The following MME variants were observed in gnomAD, a reference collection of about 807,000 sequenced individuals.
MME encodes the protein membrane metalloendopeptidase.
MME carries 98 observed loss-of-function variants against 113.2 expected under a neutral mutation model. That is an observed-to-expected ratio of 0.87 (90% CI 0.74 to 1.02). The LOEUF is 1.02. MME is among the 50% of genes least tolerant of loss of function. MME has a pLI of 0.00. For synonymous variants in MME, 292 were observed against 300.6 expected, an observed-to-expected ratio of 0.97 and a Z score of 0.30; for missense variants, 836 against 896.0, an observed-to-expected ratio of 0.93 and a Z score of 0.86.
Position 155,115,701 on chromosome 3 carries a change from C to T in MME, c.358+546C>T, listed in dbSNP as rs142936291. 7.9e-3 allele frequency among the ~76,000 whole-genome samples: 1,205 copies of T among 152,268 alleles called. 16 individuals are homozygous for T. Among genetic ancestry groups the T allele is most frequent in the African/African-American group, 0.027 (1,142 of 41,542 alleles). The stretch of plus-strand genomic sequence containing the variant: ...TTGGCCTCCCAAAGTGCTGGGATTA[C>T]AGGTGTGAGCCACTATGCCCAGCCA... On this transcript the variant is annotated intron_variant, in intron 4 of 22. Coordinates refer to ENST00000360490, the MANE Select transcript of MME (RefSeq NM_007289.4).
chr3:155,088,212 G>A (rs529869883), intron 3 of MME, among the ~76,000 whole-genome samples: 64 of 149,772 alleles, frequency 4.3e-4, no homozygotes, highest in Admixed American at 8.0e-4. Context: ...ACTCGTGCGC[G>A]CACACACACA....
rs1055491382 is a variant in MME, at chr3:155,156,296, C to T, written c.1602-4094C>T. On this transcript the variant is annotated intron_variant, in intron 16 of 22. Coordinates refer to ENST00000360490, the MANE Select transcript of MME (RefSeq NM_007289.4). Reference sequence around the variant, plus strand: ...TTTTGTCCTGCATGGTTGTGTTCTACGTTGTATAATGCACCTAGAACATAA... The same window carrying T: ...TTTTGTCCTGCATGGTTGTGTTCTATGTTGTATAATGCACCTAGAACATAA... Among the ~76,000 whole-genome samples the T allele has an allele frequency of 3.9e-5, 6 of 152,056 alleles. 1 individual carries two copies. The highest frequency in any genetic ancestry group is 1.9e-4 in the East Asian group (1 of 5,174).
Position 155,116,577 on chromosome 3 carries a change from G to C in MME, c.439+18G>C. On this transcript the variant is annotated intron_variant, in intron 5 of 22. Transcript: ENST00000360490. ...AAATGAATGTAAGTGCTCTTCATTT[G>C]ATTTCATTAGGAGTATATATATATA... 1 of 1,483,428 alleles carries C rather than the reference G, an allele frequency of 6.7e-7. No homozygotes were observed. The highest frequency in any genetic ancestry group is 1.4e-5 in the African/African-American group (1 of 69,882). The allele number at this position is 1,483,428 out of a possible 1,614,324, so 91.9% of individuals were successfully genotyped here. A position where few individuals can be genotyped will look rare whatever the true frequency, so the allele number is the denominator to read the frequency against.
chr3:155,107,415 A>G (rs1273665139), intron 3 of MME, among the ~76,000 whole-genome samples: 1 of 151,976 alleles, frequency 6.6e-6, no homozygotes, highest in African/African-American at 2.4e-5. Context: ...GGGGGTATAT[A>G]TGTGGTATGT....
intron 1 of MME, among the ~76,000 whole-genome samples, chr3:155,065,811 A>G (rs1401650586): frequency 6.6e-6 from 1 of 152,188 alleles, no homozygotes; most frequent in Non-Finnish European, 1.5e-5. Context: ...AATTAGAAGC[A>G]TTTCATACAT....
chr3:155,116,866 A>T lies in MME; in HGVS notation c.536-2A>T. The stretch of plus-strand genomic sequence containing the variant: ...GATATATTTTATCTTTTATTGCTTT[A>T]GGTGCTTCTTGGACAGCTGAAAAAG... On this transcript the variant is annotated splice_acceptor_variant, in intron 6 of 22. Transcript: ENST00000360490. LOFTEE classifies it high-confidence loss of function. 1 of 1,588,022 alleles carries T rather than the reference A, an allele frequency of 6.3e-7. No individual in the cohort carries two copies. The highest frequency in any genetic ancestry group is 8.6e-7 in the Non-Finnish European group (1 of 1,156,642).
chr3:155,063,575 T>C (rs1162458727), intron 1 of MME, among the ~76,000 whole-genome samples: 11 of 120,632 alleles, frequency 9.1e-5, no homozygotes, highest in Non-Finnish European at 1.8e-4. Context: ...TAATATATTT[T>C]ATTAATATAT....
At chr3:155,093,642 G>A (rs1716481953) in intron 3 of MME, among the ~76,000 whole-genome samples, 1 of 152,094 alleles carries the variant, frequency 6.6e-6, no homozygotes, top group Admixed American at 6.6e-5. Context: ...TGGCTCACGA[G>A]GTCAGGAGTT....
intron 3 of MME, among the ~76,000 whole-genome samples, chr3:155,095,800 CA>C (rs1275573750): frequency 1.3e-5 from 2 of 152,094 alleles, no homozygotes; most frequent in African/African-American, 2.4e-5. Flanking sequence ...GTCAGTGTGA[CA>C]GACATAAACA....
chr3:155,135,041 T>C (rs1720516757), intron 8 of MME, among the ~76,000 whole-genome samples: 2 of 152,196 alleles, frequency 1.3e-5, no homozygotes. Context: ...TATTAGACTT[T>C]TCTTGGATGC....
At chr3:155,149,744 G>T (rs952418509) in intron 16 of MME, among the ~76,000 whole-genome samples, 1 of 152,042 alleles carries the variant, frequency 6.6e-6, no homozygotes, top group Admixed American at 6.6e-5. Context: ...GTACAGGTTG[G>T]ACAAAACTGC....
chr3:155,111,362 A>G (rs1285461924), intron 3 of MME, among the ~76,000 whole-genome samples: 1 of 152,238 alleles, frequency 6.6e-6, no homozygotes, highest in Non-Finnish European at 1.5e-5. Flanking sequence ...GATTGGATGC[A>G]TCCATGCTCA....
At chr3:155,035,583 C>T (rs1468877601) in intron 1 of MME, among the ~76,000 whole-genome samples, 3 of 151,946 alleles carry the variant, frequency 2.0e-5, no homozygotes, top group Admixed American at 2.0e-4. Context: ...AAGAAGGTGG[C>T]ATTTGAAGAG....
At chr3:155,036,408 G>T (rs1428202927) in intron 1 of MME, among the ~76,000 whole-genome samples, 1 of 151,904 alleles carries the variant, frequency 6.6e-6, no homozygotes, top group Non-Finnish European at 1.5e-5. Context: ...CATTTGTCTT[G>T]AGTCCTGTCC....
chr3:155,157,989 G>C (rs939398432), intron 16 of MME, among the ~76,000 whole-genome samples: 1 of 152,084 alleles, frequency 6.6e-6, no homozygotes. Context: ...CAGAAGAGCA[G>C]AAAAGCACTA....
intron 3 of MME, 101 bp downstream of exon 3, chr3:155,085,195 T>A (rs1173325584): frequency 1.4e-6 from 1 of 736,804 alleles, no homozygotes; most frequent in Non-Finnish European, 2.3e-6. Flanking sequence ...TTATTCATTG[T>A]AGATCAATTA....
intron 3 of MME, among the ~76,000 whole-genome samples, chr3:155,097,958 T>G (rs1439816089): frequency 6.6e-6 from 1 of 152,170 alleles, no homozygotes; most frequent in Non-Finnish European, 1.5e-5. Context: ...CTTCAACAGA[T>G]ATTGTCAGCA....
intron 3 of MME, among the ~76,000 whole-genome samples, chr3:155,108,029 C>T (rs1436762775): frequency 2.0e-5 from 3 of 152,004 alleles, no homozygotes; most frequent in Non-Finnish European, 4.4e-5. Context: ...AGTGCATCAA[C>T]AAAATATATT....
chr3:155,046,734 T>A (rs1713575005), intron 1 of MME, among the ~76,000 whole-genome samples: 1 of 152,178 alleles, frequency 6.6e-6, no homozygotes, highest in Non-Finnish European at 1.5e-5. Flanking sequence ...TAGTGACATT[T>A]TGATTATCCT....
Sources: allele counts gnomAD v4.1 joint callset (sites outside exome capture counted in the v4.1 genomes callset), GRCh38; gene constraint gnomAD v4.1.1; transcripts MANE v1.5; gene names NCBI Gene and HGNC (gene_info 2026-07-23, HGNC 2026-07-21).